The following TTLL5 variants were observed in gnomAD, a reference collection of about 807,000 sequenced individuals.
The protein encoded by TTLL5 is tubulin tyrosine ligase like 5, also known as tubulin polyglutamylase TTLL5.
A neutral mutation model predicts 168.4 loss-of-function variants in TTLL5; 132 were observed. That is an observed-to-expected ratio of 0.78 (90% CI 0.68 to 0.91). TTLL5 has a LOEUF of 0.91. TTLL5 is among the 40% of genes least tolerant of loss of function. TTLL5 has a pLI of 0.00. For synonymous variants in TTLL5, 546 were observed against 558.6 expected, an observed-to-expected ratio of 0.98 and a Z score of 0.32; for missense variants, 1,545 against 1,581.5, an observed-to-expected ratio of 0.98 and a Z score of 0.39.
chr14:75,913,033 A>G (rs534472336), intron 31 of TTLL5, among the ~76,000 whole-genome samples: 3 of 152,302 alleles, frequency 2.0e-5, no homozygotes, highest in East Asian at 1.9e-4. Context: ...ACTTCTCTCA[A>G]TTGATTGCTT....
chr14:75,690,397 A>G, intron 6 of TTLL5, 75 bp downstream of exon 6: 3 of 1,513,624 alleles, frequency 2.0e-6, no homozygotes, highest in East Asian at 2.3e-5. Context: ...AGCCTCCTCA[A>G]GGTGTCAACC....
intron 20 of TTLL5, among the ~76,000 whole-genome samples, chr14:75,770,176 CTCG>C (rs1891200282): frequency 1.6e-5 from 1 of 61,996 alleles, no homozygotes; most frequent in African/African-American, 7.1e-5. Flanking sequence ...AAAACTCTGT[CTCG>C]AAAAAAAAAA....
intron 31 of TTLL5, chr14:75,930,578 A>T: frequency 1.0e-6 from 1 of 983,722 alleles, no homozygotes. Context: ...TATTAATTAA[A>T]TATCTACTGA....
intron 30 of TTLL5, among the ~76,000 whole-genome samples, chr14:75,898,157 A>G (rs547179797): frequency 5.8e-4 from 88 of 152,346 alleles, no homozygotes; most frequent in African/African-American, 2.1e-3. Context: ...TGTATCACAC[A>G]CATATTTAAC....
intron 30 of TTLL5, among the ~76,000 whole-genome samples, chr14:75,896,757 A>G (rs959690846): frequency 6.6e-6 from 1 of 152,218 alleles, no homozygotes; most frequent in African/African-American, 2.4e-5. Context: ...AATGGGCAAA[A>G]GAAGAACAGA....
intron 28 of TTLL5, among the ~76,000 whole-genome samples, chr14:75,849,012 T>G (rs186855174): frequency 6.6e-6 from 1 of 152,332 alleles, no homozygotes; most frequent in African/African-American, 2.4e-5. Context: ...TCTCTATCCA[T>G]TGTCAGGTCC....
intron 30 of TTLL5, 95 bp downstream of exon 30, chr14:75,882,997 G>C: frequency 7.5e-7 from 1 of 1,328,044 alleles, no homozygotes; most frequent in East Asian, 2.4e-5. Context: ...TCGTACTGAA[G>C]TACTGGAAAC....
At chr14:75,777,724 C>G (rs1409200517) in intron 23 of TTLL5, among the ~76,000 whole-genome samples, 1 of 151,998 alleles carries the variant, frequency 6.6e-6, no homozygotes, top group Non-Finnish European at 1.5e-5. Context: ...GAAAATCTAC[C>G]CTATGTTGAT....
intron 31 of TTLL5, among the ~76,000 whole-genome samples, chr14:75,917,550 G>C (rs183441054): frequency 1.3e-5 from 2 of 152,316 alleles, no homozygotes; most frequent in Admixed American, 6.5e-5. Context: ...CTGGCAGTAG[G>C]GGGGCATGTG....
Position 75,882,821 on chromosome 14 carries a change from G to A in TTLL5, c.3659G>A (p.Ser1220Asn). ...CCACAAAAAGTGGTACCACCTCCAA[G>A]TTCTTGCGCCTCCCTGGTTCCCAAA... is the stretch of plus-strand genomic sequence containing the variant. ...TLPQKVVPPP[S>N]SCASLVPKPP... Residue 1220 changes from serine (S) to asparagine (N), a missense_variant, in exon 30 of 32, where the codon AGT becomes AAT. Coordinates refer to ENST00000298832, the MANE Select transcript of TTLL5 (RefSeq NM_015072.5). 2 of 1,614,156 alleles carry A rather than the reference G, an allele frequency of 1.2e-6. No individual in the cohort carries two copies. The highest frequency in any genetic ancestry group is 1.7e-6 in the Non-Finnish European group (2 of 1,180,022).
chr14:75,912,810 C>T (rs965941117), intron 31 of TTLL5, among the ~76,000 whole-genome samples: 2 of 152,214 alleles, frequency 1.3e-5, no homozygotes, highest in Non-Finnish European at 2.9e-5. Context: ...TCTCAGTCAA[C>T]AGGCCAATAG....
chr14:75,898,099 T>C (rs2032754340), intron 30 of TTLL5, among the ~76,000 whole-genome samples: 1 of 152,228 alleles, frequency 6.6e-6, no homozygotes, highest in Non-Finnish European at 1.5e-5. Flanking sequence ...TTTAGCCACT[T>C]CTTTATATTC....
intron 30 of TTLL5, chr14:75,887,007 G>C (rs751850082): frequency 2.2e-6 from 3 of 1,363,720 alleles, no homozygotes; most frequent in Non-Finnish European, 2.8e-6. Context: ...CTGAACTGCA[G>C]TACTTTTCCT....
At chr14:75,854,563 T>C (rs1279755741) in intron 28 of TTLL5, among the ~76,000 whole-genome samples, 2 of 152,248 alleles carry the variant, frequency 1.3e-5, no homozygotes, top group African/African-American at 4.8e-5. Context: ...TGTAAATATA[T>C]GTTTAACTTT....
chr14:75,782,411 G>A, intron 24 of TTLL5, 76 bp from the exon 25 acceptor site: 1 of 1,145,344 alleles, frequency 8.7e-7, no homozygotes, highest in Non-Finnish European at 1.3e-6. Context: ...TATATTTTTG[G>A]GAATAAAATT....
At chr14:75,757,909 C>T in intron 18 of TTLL5, 1 of 1,574,010 alleles carries the variant, frequency 6.4e-7, no homozygotes, top group Non-Finnish European at 8.6e-7. Flanking sequence ...TTTCCATGTG[C>T]ATAATGTGTG....
chr14:75,683,802 A>G (rs1224458299), intron 5 of TTLL5, 146 bp downstream of exon 5: 2 of 557,144 alleles, frequency 3.6e-6, no homozygotes, highest in Non-Finnish European at 6.2e-6. Flanking sequence ...TGAGATGAGT[A>G]TCGCTCTGTC....
intron 26 of TTLL5, among the ~76,000 whole-genome samples, chr14:75,792,234 G>A (rs1322873182): frequency 9.1e-6 from 1 of 110,070 alleles, no homozygotes; most frequent in Non-Finnish European, 1.7e-5. Flanking sequence ...GGGGTGGGGG[G>A]AGGGGGGAGG....
chr14:75,832,403 G>A (rs1895621250), intron 28 of TTLL5, among the ~76,000 whole-genome samples: 3 of 152,150 alleles, frequency 2.0e-5, no homozygotes, highest in South Asian at 4.1e-4. Flanking sequence ...TCGGAGTTTA[G>A]TGTATGTTCT....
Sources: gnomAD v4.1 joint callset for allele counts (sites outside exome capture counted in the v4.1 genomes callset) on GRCh38, gnomAD v4.1.1 for gene constraint, MANE v1.5 for transcripts, NCBI Gene and HGNC (gene_info 2026-07-23, HGNC 2026-07-21) for gene names.